Variants in FANCD2 observed in about 807,000 individuals in gnomAD.
The protein encoded by FANCD2 is FA complementation group D2, also known as Fanconi anemia group D2 protein.
FANCD2 carries 131 observed loss-of-function variants against 192.3 expected under a neutral mutation model. That is an observed-to-expected ratio of 0.68 (90% CI 0.59 to 0.79). The LOEUF is 0.79. Among genes scored for constraint, FANCD2 ranks in the 30% least tolerant of loss-of-function variants. The probability of loss-of-function intolerance (pLI) is 0.00; values close to 1 mark genes in which losing one functional copy is unlikely to be tolerated. For missense variants in FANCD2, 1,508 were observed against 1,701.6 expected (o/e 0.89, Z 2.00); for synonymous variants, 524 against 612.5 (o/e 0.86, Z 2.13).
At chr3:10,054,378 C>T (rs547584790) in intron 18 of FANCD2, among the ~76,000 whole-genome samples, 18,209 of 94,538 alleles carry the variant, frequency 0.19, 2,104 homozygotes, top group African/African-American at 0.41. Context: ...CGTGTATATA[C>T]ATATATATAT....
chr3:10,079,563 C>G (rs1389737047), intron 30 of FANCD2, among the ~76,000 whole-genome samples: 1 of 151,952 alleles, frequency 6.6e-6, no homozygotes, highest in Non-Finnish European at 1.5e-5. Context: ...CTCGGCCTCC[C>G]AATCCGCCCA....
intron 32 of FANCD2, among the ~76,000 whole-genome samples, chr3:10,083,905 AAAG>A (rs1559401232): frequency 6.6e-6 from 1 of 151,286 alleles, no homozygotes; most frequent in African/African-American, 2.4e-5. Context: ...AAAAAAAAAA[AAAG>A]GTATGTCCAC....
chr3:10,088,387 T>C (rs1300380243), intron 34 of FANCD2, 62 bp from the exon 35 acceptor site: 18 of 1,027,462 alleles, frequency 1.8e-5, no homozygotes, highest in Middle Eastern at 2.1e-4. Flanking sequence ...CTCAAAAACC[T>C]GAAAAGCAAG....
chr3:10,035,378 A>G, intron 6 of FANCD2, 145 bp downstream of exon 6: 2 of 736,818 alleles, frequency 2.7e-6, no homozygotes, highest in South Asian at 2.9e-5. Flanking sequence ...TGTTGCTGTG[A>G]TGGGTTTGGT....
At chr3:10,087,689 C>T (rs770854100) in intron 34 of FANCD2, among the ~76,000 whole-genome samples, 27 of 152,006 alleles carry the variant, frequency 1.8e-4, no homozygotes, top group Non-Finnish European at 3.4e-4. Context: ...GTTCTGTCAC[C>T]CAGGCTGGAG....
At chr3:10,054,468 TATATA>T (rs1198397063) in intron 18 of FANCD2, among the ~76,000 whole-genome samples, 14 of 30,566 alleles carry the variant, frequency 4.6e-4, no homozygotes, top group South Asian at 3.0e-3. Context: ...TATATATATA[TATATA>T]TTTTTTTTTT....
intron 2 of FANCD2, 72 bp from the exon 3 acceptor site, chr3:10,032,760 A>C: frequency 2.3e-6 from 3 of 1,325,026 alleles, no homozygotes; most frequent in Non-Finnish European, 3.2e-6. Context: ...TCTCATGATT[A>C]TTATTCCTGG....
chr3:10,097,319 C>A (rs1695027786), intron 42 of FANCD2, among the ~76,000 whole-genome samples: 1 of 152,164 alleles, frequency 6.6e-6, no homozygotes, highest in Non-Finnish European at 1.5e-5. Flanking sequence ...ATTTCCTCTT[C>A]CTAATAAGCC....
chr3:10,089,023 C>G, intron 36 of FANCD2, 73 bp downstream of exon 36: 2 of 1,548,490 alleles, frequency 1.3e-6, no homozygotes, highest in Non-Finnish European at 8.9e-7. Context: ...TGGCACACAC[C>G]TGTAATCCCA....
intron 6 of FANCD2, 132 bp from the exon 7 acceptor site, chr3:10,036,155 C>T (rs529234039): frequency 6.4e-5 from 39 of 611,102 alleles, no homozygotes; most frequent in Middle Eastern, 3.9e-4. Flanking sequence ...GGTGCAATCT[C>T]GGCTCACTGC....
intron 32 of FANCD2, among the ~76,000 whole-genome samples, chr3:10,084,794 AG>A (rs2125067237): frequency 6.6e-6 from 1 of 152,320 alleles, no homozygotes; most frequent in African/African-American, 2.4e-5. Context: ...TGGGCCTCAA[AG>A]GTCAGGCAGA....
chr3:10,070,894 G>A (rs949281287), intron 26 of FANCD2, among the ~76,000 whole-genome samples: 2 of 146,736 alleles, frequency 1.4e-5, no homozygotes, highest in African/African-American at 5.1e-5. Context: ...TAAGGGCGGT[G>A]CAAGATGTGC....
At chr3:10,040,017 T>G in intron 9 of FANCD2, 172 bp downstream of exon 9, 1 of 602,846 alleles carries the variant, frequency 1.7e-6, no homozygotes, top group Non-Finnish European at 2.8e-6. Flanking sequence ...TATATTTGAA[T>G]AGATCCACAT....
intron 38 of FANCD2, among the ~76,000 whole-genome samples, chr3:10,092,906 G>A (rs1455076073): frequency 6.6e-6 from 1 of 151,766 alleles, no homozygotes; most frequent in African/African-American, 2.4e-5. Flanking sequence ...TCCCCAGGCT[G>A]GCCTCGAACT....
At position 10,101,252 on chromosome 3, in the gene FANCD2, ACT is replaced by A. The variant is rs1177847967; in HGVS notation, c.4349_4350del (p.Ser1450Ter). The A allele has an allele frequency of 1.9e-6, 3 of 1,610,032 alleles. No homozygotes were observed. Among genetic ancestry groups the A allele is most frequent in the Non-Finnish European group, 2.5e-6 (3 of 1,177,334 alleles). ...CAAGATAGTGATGAGAGTTATGATG[ACT>A]CTGATTAGACCCCAGATAAATTGTT... On this transcript the variant is annotated frameshift_variant, in exon 44 of 44. Transcript: ENST00000675286. LOFTEE classifies it high-confidence loss of function.
chr3:10,056,591 G>A (rs2087419639), intron 18 of FANCD2, among the ~76,000 whole-genome samples: 1 of 151,982 alleles, frequency 6.6e-6, no homozygotes, highest in African/African-American at 2.4e-5. Flanking sequence ...CAGTGCAGTG[G>A]CGTGATCATA....
At chr3:10,053,661 G>T (rs565753068) in intron 18 of FANCD2, among the ~76,000 whole-genome samples, 1 of 150,524 alleles carries the variant, frequency 6.6e-6, no homozygotes, top group East Asian at 1.9e-4. Flanking sequence ...TTCCTAGTGT[G>T]TAGTAGTGGA....
At chr3:10,062,314 C>T (rs2087594639) in intron 20 of FANCD2, 103 bp downstream of exon 20, 1 of 866,968 alleles carries the variant, frequency 1.2e-6, no homozygotes, top group Non-Finnish European at 1.9e-6. Context: ...GATCTCGGCT[C>T]ACTGCAACCT....
Position 10,060,693 on chromosome 3 carries a change from T to A in FANCD2, c.1766+290T>A, listed in dbSNP as rs722509. Among the ~76,000 whole-genome samples the A allele has an allele frequency of 0.2, 29,752 of 152,214 alleles. 3,365 individuals are homozygous for A. Among genetic ancestry groups the A allele is most frequent in the African/African-American group, 0.31 (13,001 of 41,488 alleles). ...AATGGGAACCCTGATTCTTTTAGAA[T>A]GCATTTTTCTTTATCTGCTCCTGAT... On this transcript the variant is annotated intron_variant, in intron 19 of 43. Coordinates refer to ENST00000675286, the MANE Select transcript of FANCD2 (RefSeq NM_001018115.3).
Sources: gnomAD v4.1 joint callset for allele counts (sites outside exome capture counted in the v4.1 genomes callset) on GRCh38, gnomAD v4.1.1 for gene constraint, MANE v1.5 for transcripts, NCBI Gene and HGNC (gene_info 2026-07-23, HGNC 2026-07-21) for gene names.